The following ARB2A variants were observed in gnomAD, a reference collection of about 807,000 sequenced individuals.
ARB2A encodes the protein ARB2 cotranscriptional regulator A.
At chr5:93,646,896 C>T in the ARB2A span, among the ~76,000 whole-genome samples, 2 of 152,090 alleles carry the variant, frequency 1.3e-5, no homozygotes, top group South Asian at 2.1e-4. Flanking sequence ...ACCACTTGAA[C>T]ATCCTTTACC....
the ARB2A span, among the ~76,000 whole-genome samples, chr5:94,099,452 G>A: frequency 9.9e-5 from 15 of 151,478 alleles, no homozygotes; most frequent in African/African-American, 3.1e-4. Flanking sequence ...GAGAAACCCC[G>A]CCTCTACTAA....
At chr5:93,763,154 C>A in the ARB2A span, among the ~76,000 whole-genome samples, 1 of 151,554 alleles carries the variant, frequency 6.6e-6, no homozygotes, top group Non-Finnish European at 1.5e-5. Flanking sequence ...AGCAAAATAA[C>A]CAGCTAACAT....
chr5:93,852,672 T>C, the ARB2A span, among the ~76,000 whole-genome samples: 4 of 152,202 alleles, frequency 2.6e-5, no homozygotes, highest in East Asian at 7.7e-4. Flanking sequence ...TTTCTACATA[T>C]GGCTAGCCAG....
the ARB2A span, among the ~76,000 whole-genome samples, chr5:93,800,536 G>C: frequency 6.6e-6 from 1 of 151,852 alleles, no homozygotes; most frequent in Non-Finnish European, 1.5e-5. Flanking sequence ...ATATTCCTTA[G>C]GCTACTGATT....
chr5:93,877,282 A>G, the ARB2A span, among the ~76,000 whole-genome samples: 12 of 152,150 alleles, frequency 7.9e-5, no homozygotes, highest in Admixed American at 1.3e-4. Flanking sequence ...ACTTTTGCCT[A>G]TACTCTACAC....
At chr5:94,015,149 C>T in the ARB2A span, among the ~76,000 whole-genome samples, 1 of 151,904 alleles carries the variant, frequency 6.6e-6, no homozygotes, top group Non-Finnish European at 1.5e-5. Flanking sequence ...AAAGCAGCAA[C>T]AGAAAAGAAG....
At chr5:93,896,654 T>C in the ARB2A span, among the ~76,000 whole-genome samples, 5 of 152,142 alleles carry the variant, frequency 3.3e-5, 1 homozygote, top group Admixed American at 6.6e-5. Flanking sequence ...TCAAAAAAGG[T>C]AATTCATGTT....
At chr5:93,933,268 G>C in the ARB2A span, among the ~76,000 whole-genome samples, 1 of 152,166 alleles carries the variant, frequency 6.6e-6, no homozygotes, top group South Asian at 2.1e-4. Flanking sequence ...TCTAGAACCA[G>C]GAATACCATT....
At chr5:93,625,590 C>G in the ARB2A span, among the ~76,000 whole-genome samples, 2 of 152,076 alleles carry the variant, frequency 1.3e-5, no homozygotes, top group Non-Finnish European at 2.9e-5. Flanking sequence ...ATATCCTTGA[C>G]TTATCACTTG....
chr5:93,978,868 T>C, the ARB2A span, among the ~76,000 whole-genome samples: 1 of 151,510 alleles, frequency 6.6e-6, no homozygotes, highest in African/African-American at 2.4e-5. Context: ...GGGGTGGGGG[T>C]TGAGGGTGGA....
the ARB2A span, among the ~76,000 whole-genome samples, chr5:93,999,624 C>T: frequency 6.6e-6 from 1 of 151,924 alleles, no homozygotes; most frequent in South Asian, 2.1e-4. Flanking sequence ...CAACAGCCTC[C>T]TCCAGAGTGA....
chr5:93,629,638 A>G, the ARB2A span, among the ~76,000 whole-genome samples: 5,708 of 152,250 alleles, frequency 0.037, 154 homozygotes, highest in South Asian at 0.072. Context: ...TGTTCCAGGG[A>G]GAAAAAACCC....
At chr5:93,858,562 C>G in the ARB2A span, among the ~76,000 whole-genome samples, 1 of 152,194 alleles carries the variant, frequency 6.6e-6, no homozygotes, top group Admixed American at 6.5e-5. Context: ...TTTATCTAAT[C>G]AATTGGCATA....
the ARB2A span, among the ~76,000 whole-genome samples, chr5:93,759,822 A>G: frequency 6.6e-6 from 1 of 152,170 alleles, no homozygotes; most frequent in Non-Finnish European, 1.5e-5. Context: ...AAGCATTCCC[A>G]TAGAGAACTG....
chr5:93,779,646 A>G, the ARB2A span, among the ~76,000 whole-genome samples: 1 of 152,236 alleles, frequency 6.6e-6, no homozygotes, highest in Non-Finnish European at 1.5e-5. Flanking sequence ...ACAAACAAGC[A>G]TAGAGAAAGA....
chr5:94,047,514 A>T, the ARB2A span, among the ~76,000 whole-genome samples: 5 of 151,768 alleles, frequency 3.3e-5, no homozygotes, highest in Middle Eastern at 3.4e-3. Flanking sequence ...AAAAAAAATT[A>T]AATGTTATAA....
the ARB2A span, among the ~76,000 whole-genome samples, chr5:94,103,865 T>C: frequency 6.8e-5 from 10 of 147,868 alleles, no homozygotes; most frequent in East Asian, 2.0e-3. Flanking sequence ...TCTCTCAAAA[T>C]CATATAATTA....
At chr5:93,661,221 C>T in the ARB2A span, among the ~76,000 whole-genome samples, 1 of 152,098 alleles carries the variant, frequency 6.6e-6, no homozygotes, top group Admixed American at 6.6e-5. Context: ...ATACAGAGTA[C>T]TATGGGAGCA....
At chr5:93,680,689 T>C in the ARB2A span, among the ~76,000 whole-genome samples, 1 of 152,264 alleles carries the variant, frequency 6.6e-6, no homozygotes, top group African/African-American at 2.4e-5. Flanking sequence ...ATCTGATTAT[T>C]GGGTATTTTA....
Sources: gnomAD v4.1 joint callset for allele counts (sites outside exome capture counted in the v4.1 genomes callset) on GRCh38, gnomAD v4.1.1 for gene constraint, MANE v1.5 for transcripts, NCBI Gene and HGNC (gene_info 2026-07-23, HGNC 2026-07-21) for gene names.